The following WWOX variants were observed in gnomAD, a reference collection of about 807,000 sequenced individuals.
WWOX encodes the protein WW domain-containing oxidoreductase.
A neutral mutation model predicts 46.2 loss-of-function variants in WWOX; 69 were observed. That is an observed-to-expected ratio of 1.49 (90% CI 1.23 to 1.82). The LOEUF (loss-of-function observed/expected upper bound fraction) is 1.82. Ranked by LOEUF, WWOX falls within the 40% of genes most tolerant of loss-of-function variation. The pLI is 0.00. For missense variants in WWOX, 919 were observed against 542.6 expected (o/e 1.69, Z -6.89); for synonymous variants, 359 against 202.6 (o/e 1.77, Z -6.56).
chr16:78,937,906 G>C (rs1454466800), intron 8 of WWOX, among the ~76,000 whole-genome samples: 1 of 152,150 alleles, frequency 6.6e-6, no homozygotes, highest in Admixed American at 6.5e-5. Context: ...GGGATTACAG[G>C]TGTGTGCCAC....
At chr16:78,919,375 C>A (rs79974632) in intron 8 of WWOX, among the ~76,000 whole-genome samples, 2,897 of 152,004 alleles carry the variant, frequency 0.019, 101 homozygotes, top group African/African-American at 0.066. Flanking sequence ...GCAGTTGAGT[C>A]TAGAATTGTC....
chr16:78,276,045 C>T (rs372767942), intron 5 of WWOX, among the ~76,000 whole-genome samples: 7 of 152,300 alleles, frequency 4.6e-5, no homozygotes, highest in East Asian at 3.9e-4. Flanking sequence ...TTCTGGCTGG[C>T]AGGGGTTTCT....
intron 5 of WWOX, among the ~76,000 whole-genome samples, chr16:78,350,779 G>A (rs1467158618): frequency 8.3e-6 from 1 of 120,412 alleles, no homozygotes; most frequent in Non-Finnish European, 2.0e-5. Context: ...ACATTTTTGT[G>A]TGGATATAGG....
intron 5 of WWOX, among the ~76,000 whole-genome samples, chr16:78,379,391 C>A (rs945917106): frequency 6.6e-6 from 1 of 152,140 alleles, no homozygotes; most frequent in Admixed American, 6.5e-5. Flanking sequence ...AAGAGAATTT[C>A]CTCCAGATAC....
intron 8 of WWOX, among the ~76,000 whole-genome samples, chr16:78,491,648 C>G (rs1039128279): frequency 6.6e-6 from 1 of 152,008 alleles, no homozygotes; most frequent in Non-Finnish European, 1.5e-5. Flanking sequence ...GTTTTCAATG[C>G]AGTATATAAG....
intron 8 of WWOX, among the ~76,000 whole-genome samples, chr16:79,161,738 C>G (rs111625721): frequency 2.2e-4 from 33 of 152,276 alleles, no homozygotes; most frequent in African/African-American, 7.7e-4. Flanking sequence ...AGGCTGGTCT[C>G]AAACTCGTGA....
intron 8 of WWOX, among the ~76,000 whole-genome samples, chr16:78,463,175 A>G (rs542020962): frequency 6.6e-6 from 1 of 152,356 alleles, no homozygotes; most frequent in Admixed American, 6.5e-5. Context: ...GAAAGAAAAT[A>G]AACAGGCAGC....
chr16:79,004,215 C>T (rs1567476416), intron 8 of WWOX: 1 of 152,234 alleles, frequency 6.6e-6, no homozygotes, highest in African/African-American at 2.4e-5. Flanking sequence ...TGTGCACCTT[C>T]AGAACCACAT....
intron 8 of WWOX, among the ~76,000 whole-genome samples, chr16:78,696,182 C>T (rs574269078): frequency 2.7e-4 from 41 of 152,254 alleles, no homozygotes; most frequent in African/African-American, 6.5e-4. Context: ...TACATTCCTC[C>T]GGGCAAGTCT....
chr16:78,965,517 C>T (rs1239931495), intron 8 of WWOX, among the ~76,000 whole-genome samples: 2 of 151,614 alleles, frequency 1.3e-5, no homozygotes, highest in African/African-American at 4.9e-5. Context: ...TTGCAGTGAG[C>T]CGAGATGGCA....
At chr16:78,355,786 C>T in intron 5 of WWOX, 1 of 714,502 alleles carries the variant, frequency 1.4e-6, no homozygotes, top group Non-Finnish European at 2.4e-6. Flanking sequence ...TGTTCTTTCT[C>T]CGGGGAGATG....
At chr16:78,876,642 T>G (rs2044240182) in intron 8 of WWOX, among the ~76,000 whole-genome samples, 1 of 152,166 alleles carries the variant, frequency 6.6e-6, no homozygotes, top group Non-Finnish European at 1.5e-5. Context: ...TAGAGATCTC[T>G]AAAAGGCAGA....
chr16:78,945,580 TTCTC>T (rs767199241), intron 8 of WWOX, among the ~76,000 whole-genome samples: 2 of 152,214 alleles, frequency 1.3e-5, no homozygotes, highest in Non-Finnish European at 2.9e-5. Context: ...TTTTGGTTTT[TTCTC>T]TCTTTTGGTT....
At chr16:79,075,392 T>G (rs2048635803) in intron 8 of WWOX, among the ~76,000 whole-genome samples, 2 of 152,216 alleles carry the variant, frequency 1.3e-5, no homozygotes, top group South Asian at 4.1e-4. Context: ...TTTAGGACTT[T>G]TCAGTACTTC....
At chr16:78,741,214 G>A (rs2049218256) in intron 8 of WWOX, among the ~76,000 whole-genome samples, 1 of 152,198 alleles carries the variant, frequency 6.6e-6, no homozygotes, top group East Asian at 1.9e-4. Context: ...TTATAATCCT[G>A]TAACAGAAAG....
At chr16:79,035,795 C>G (rs866539622) in intron 8 of WWOX, among the ~76,000 whole-genome samples, 1 of 152,218 alleles carries the variant, frequency 6.6e-6, no homozygotes, top group African/African-American at 2.4e-5. Context: ...AACAAAAGGC[C>G]AACCCCATTA....
intron 6 of WWOX, among the ~76,000 whole-genome samples, chr16:78,419,071 T>A (rs1041164065): frequency 3.9e-5 from 6 of 152,128 alleles, no homozygotes; most frequent in Non-Finnish European, 7.4e-5. Flanking sequence ...ACTTAAAAAA[T>A]ATTAAAATGA....
At chr16:78,849,128 C>G (rs973906803) in intron 8 of WWOX, among the ~76,000 whole-genome samples, 1 of 152,242 alleles carries the variant, frequency 6.6e-6, no homozygotes, top group Admixed American at 6.5e-5. Flanking sequence ...TACAGTAACT[C>G]AACATTAACT....
intron 8 of WWOX, among the ~76,000 whole-genome samples, chr16:79,100,720 G>A (rs925390887): frequency 5.3e-5 from 8 of 152,236 alleles, no homozygotes; most frequent in East Asian, 1.9e-4. Flanking sequence ...GCACCTTGGC[G>A]TCACCAGGCT....
Sources: gnomAD v4.1 joint callset for allele counts (sites outside exome capture counted in the v4.1 genomes callset) on GRCh38, gnomAD v4.1.1 for gene constraint, MANE v1.5 for transcripts, NCBI Gene and HGNC (gene_info 2026-07-23, HGNC 2026-07-21) for gene names.